The following EPM2A variants were observed in gnomAD, a reference collection of about 807,000 sequenced individuals.
EPM2A encodes the protein laforin.
In EPM2A, 21 loss-of-function variants were observed where a neutral mutation model predicts 26.5. The ratio of observed to expected loss-of-function variants is 0.79; its 90% CI spans 0.56 to 1.14. EPM2A has a LOEUF of 1.14. Ranked by LOEUF, EPM2A falls within the 50% of genes most tolerant of loss-of-function variation. The probability of loss-of-function intolerance (pLI) is 0.00; values close to 1 mark genes in which losing one functional copy is unlikely to be tolerated. For missense variants in EPM2A, 458 were observed against 440.8 expected (o/e 1.04, Z -0.35); for synonymous variants, 217 against 177.6 (o/e 1.22, Z -1.76).
At chr6:145,482,126 T>C (rs1779617408) in intron 4 of EPM2A, among the ~76,000 whole-genome samples, 1 of 152,206 alleles carries the variant, frequency 6.6e-6, no homozygotes, top group Admixed American at 6.6e-5. Context: ...TGTGCACATT[T>C]ACATTTTCTC....
At position 145,462,687 on chromosome 6, in the gene EPM2A, A is replaced by C. The variant is rs188609462; in HGVS notation, c.555+39835T>G. ...AGAACCCAGTAAGTCTGTGTGTCCAAAAGGCAGTCTTCCTCTTACTTGCCA... is the reference window on the plus strand; with the variant it reads ...AGAACCCAGTAAGTCTGTGTGTCCACAAGGCAGTCTTCCTCTTACTTGCCA... On this transcript the variant is annotated intron_variant, in intron 4 of 4. Transcript: ENST00000638717. 3.2e-3 allele frequency among the ~76,000 whole-genome samples: 494 copies of C among 152,274 alleles called. 4 individuals are homozygous for C. Among genetic ancestry groups the C allele is most frequent in the African/African-American group, 0.011 (473 of 41,560 alleles).
intron 4 of EPM2A, among the ~76,000 whole-genome samples, chr6:145,485,160 A>G (rs1178867033): frequency 6.6e-6 from 1 of 151,850 alleles, no homozygotes; most frequent in East Asian, 1.9e-4. Flanking sequence ...CTGAGATCCA[A>G]TTTTGGGCCA....
intron 2 of EPM2A, among the ~76,000 whole-genome samples, chr6:145,533,889 A>G (rs999534520): frequency 3.9e-5 from 6 of 152,122 alleles, no homozygotes; most frequent in African/African-American, 1.4e-4. Flanking sequence ...TTCAGGATAG[A>G]TTGCATCTTG....
At chr6:145,617,853 G>C (rs1296686350) in intron 2 of EPM2A, among the ~76,000 whole-genome samples, 1 of 152,132 alleles carries the variant, frequency 6.6e-6, no homozygotes, top group African/African-American at 2.4e-5. Flanking sequence ...GAGGTGGGAG[G>C]CTCACTTGAG....
downstream of EPM2A, among the ~76,000 whole-genome samples, chr6:145,620,612 T>C (rs1775612545): frequency 6.6e-6 from 1 of 152,260 alleles, no homozygotes; most frequent in Non-Finnish European, 1.5e-5. Flanking sequence ...CAGTGAATTC[T>C]GAGTTTTCTC....
chr6:145,422,123 ATATAGT>A (rs758010870), intron 4 of EPM2A, among the ~76,000 whole-genome samples: 43 of 146,224 alleles, frequency 2.9e-4, no homozygotes, highest in Non-Finnish European at 4.7e-4. Flanking sequence ...TAAATATATA[ATATAGT>A]TATACACATC....
rs370792555 is a variant in EPM2A at position 145,441,448 on chromosome 6, C to T, written c.556-57351G>A. ...TTGTCTTGGTGATTAACATTTGACT[C>T]CTCATTACTTATGCAAATTCCTGCA... On this transcript the variant is annotated intron_variant, in intron 4 of 4. Coordinates refer to the EPM2A transcript ENST00000638717. Among the ~76,000 whole-genome samples, 4 of 152,206 alleles carry T rather than the reference C, an allele frequency of 2.6e-5. No homozygotes were observed. The East Asian group carries it at 7.7e-4, about 29-fold the overall frequency.
At chr6:145,594,226 T>C (rs1781310522) in intron 2 of EPM2A, among the ~76,000 whole-genome samples, 1 of 151,830 alleles carries the variant, frequency 6.6e-6, no homozygotes, top group South Asian at 2.1e-4. Context: ...GAAATGGATA[T>C]TCTGAATATC....
intron 4 of EPM2A, among the ~76,000 whole-genome samples, chr6:145,415,284 G>GA (rs1287138367): frequency 6.6e-6 from 1 of 152,212 alleles, no homozygotes; most frequent in Non-Finnish European, 1.5e-5. Flanking sequence ...GAGCCATACT[G>GA]TTGGCTTTCA....
intron 4 of EPM2A, among the ~76,000 whole-genome samples, chr6:145,458,098 C>T (rs1203934157): frequency 1.3e-5 from 2 of 152,166 alleles, no homozygotes; most frequent in Non-Finnish European, 2.9e-5. Flanking sequence ...AAGTCCAGAC[C>T]TTTTAGGAGT....
At chr6:145,622,388 T>C (rs1012698086), downstream of EPM2A, among the ~76,000 whole-genome samples, 1 of 152,242 alleles carries the variant, frequency 6.6e-6, no homozygotes, top group African/African-American at 2.4e-5. Context: ...TTCAGGTAGT[T>C]GTTTTCTGTA....
chr6:145,695,591 G>A (rs1781527088), intron 1 of EPM2A, among the ~76,000 whole-genome samples: 2 of 151,920 alleles, frequency 1.3e-5, no homozygotes, highest in South Asian at 2.1e-4. Context: ...GGAAAATAAA[G>A]GGATGGAAAA....
chr6:145,523,389 GA>G (rs1780229659), intron 2 of EPM2A, among the ~76,000 whole-genome samples: 1 of 152,148 alleles, frequency 6.6e-6, no homozygotes, highest in Non-Finnish European at 1.5e-5. Context: ...CCTGCATTTA[GA>G]AAGTTTATCA....
At chr6:145,515,917 T>A (rs1007880038) in intron 2 of EPM2A, among the ~76,000 whole-genome samples, 6 of 152,188 alleles carry the variant, frequency 3.9e-5, no homozygotes, top group African/African-American at 1.4e-4. Context: ...CCATTTACCA[T>A]GGTGACTATG....
At chr6:145,599,860 A>G (rs950743162) in intron 2 of EPM2A, among the ~76,000 whole-genome samples, 1 of 152,020 alleles carries the variant, frequency 6.6e-6, no homozygotes, top group African/African-American at 2.4e-5. Context: ...ATTTACACAA[A>G]TTTCCCTCTA....
At position 145,604,857 on chromosome 6, in the gene EPM2A, G is replaced by A. The variant is rs548040582; in HGVS notation, c.340+30388C>T. Among the ~76,000 whole-genome samples the A allele has an allele frequency of 3.9e-5, 6 of 152,220 alleles. No individual in the cohort carries two copies. In the East Asian group the frequency reaches 1.2e-3, roughly 29 times the overall value. ...TCCCTTAGTCAACAATATAAAAATA[G>A]AATAAAGCATATTACCTCTAGCTAT... On this transcript the variant is annotated intron_variant, in intron 2 of 3. Coordinates refer to the EPM2A transcript ENST00000450221.
intron 2 of EPM2A, among the ~76,000 whole-genome samples, chr6:145,607,981 G>A (rs1775302673): frequency 6.6e-6 from 1 of 152,176 alleles, no homozygotes; most frequent in Non-Finnish European, 1.5e-5. Flanking sequence ...TTAACACTCT[G>A]TCACTGACAA....
intron 2 of EPM2A, among the ~76,000 whole-genome samples, chr6:145,660,275 T>C (rs1051057454): frequency 2.0e-5 from 3 of 152,138 alleles, no homozygotes; most frequent in African/African-American, 7.2e-5. Flanking sequence ...TGTGGACTTG[T>C]CTAAATGTAA....
chr6:145,412,159 G>A (rs944860157), intron 4 of EPM2A, among the ~76,000 whole-genome samples: 6 of 149,746 alleles, frequency 4.0e-5, no homozygotes, highest in African/African-American at 1.5e-4. Flanking sequence ...AGGGGTTGCA[G>A]TGAGCCAAGA....
Sources: gnomAD v4.1 joint callset for allele counts (sites outside exome capture counted in the v4.1 genomes callset) on GRCh38, gnomAD v4.1.1 for gene constraint, MANE v1.5 for transcripts, NCBI Gene and HGNC (gene_info 2026-07-23, HGNC 2026-07-21) for gene names.